Variants in GREM2 observed in about 807,000 individuals in gnomAD.
The protein encoded by GREM2 is gremlin-2.
GREM2 carries 11 observed loss-of-function variants against 14.2 expected under a neutral mutation model. That is an observed-to-expected ratio of 0.78 (90% CI 0.49 to 1.28). GREM2 has a LOEUF of 1.28. GREM2 is among the 50% of genes most tolerant of loss of function. GREM2 has a pLI of 0.00. For missense variants in GREM2, 210 were observed against 218.5 expected (o/e 0.96, Z 0.24); for synonymous variants, 98 against 97.6 (o/e 1.00, Z -0.02).
At chr1:240,518,695 A>T (rs188214114) in intron 1 of GREM2, among the ~76,000 whole-genome samples, 114 of 152,276 alleles carry the variant, frequency 7.5e-4, no homozygotes, top group African/African-American at 2.7e-3. Flanking sequence ...CATCCACCTC[A>T]CCAAAATAAA....
At chr1:240,548,692 G>GA (rs1678786410) in intron 1 of GREM2, among the ~76,000 whole-genome samples, 1 of 152,158 alleles carries the variant, frequency 6.6e-6, no homozygotes, top group African/African-American at 2.4e-5. Context: ...AAAGATTTGG[G>GA]AAAGGTGTTC....
chr1:240,512,570 C>T (rs572304137), intron 1 of GREM2, among the ~76,000 whole-genome samples: 1 of 44,140 alleles, frequency 2.3e-5, no homozygotes, highest in South Asian at 5.9e-4. Context: ...ATTTTAACCA[C>T]TGAATGCAGT....
chr1:240,557,489 G>T (rs1678971382), intron 1 of GREM2, among the ~76,000 whole-genome samples: 1 of 152,050 alleles, frequency 6.6e-6, no homozygotes, highest in African/African-American at 2.4e-5. Context: ...CCTCTCAACA[G>T]CCATCCTGAA....
rs200427812 is a variant in GREM2, at chr1:240,495,947, G to GT, written c.-1-2472dup. ...AAAGGTTTTTTTTGTTTTTGTTTTT[G>GT]TTTTTTTTTTGATGGAGTCTCACTC... On this transcript the variant is annotated intron_variant, in intron 1 of 1. Transcript: ENST00000318160. Among the ~76,000 whole-genome samples, 312 of 145,718 alleles carry GT rather than the reference G, an allele frequency of 2.1e-3. 2 individuals are homozygous for GT. The highest frequency in any genetic ancestry group is 1.0e-2 in the South Asian group (46 of 4,606).
intron 1 of GREM2, among the ~76,000 whole-genome samples, chr1:240,564,111 A>G (rs1679129718): frequency 6.6e-6 from 1 of 152,162 alleles, no homozygotes; most frequent in Non-Finnish European, 1.5e-5. Flanking sequence ...CTGGAGGCTG[A>G]GGCAGGAGGA....
At position 240,493,394 on chromosome 1, in the gene GREM2, C is replaced by A; in HGVS notation, c.82G>T (p.Gly28Cys). Residue 28 changes from glycine to cysteine, a missense_variant, in exon 2 of 2, where the codon GGC becomes TGC. Gly to Cys is a radical substitution (Grantham distance 159). Coordinates refer to ENST00000318160, the MANE Select transcript of GREM2 (RefSeq NM_022469.4). Reference protein sequence around the residue: ...VAEARKNRPAGAIPSPYKDGS... With the variant: ...VAEARKNRPACAIPSPYKDGS... ...TCCTTGTAAGGCGAGGGGATGGCGC[C>A]CGCCGGCCGGTTCTTCCGGGCTTCC... The A allele has an allele frequency of 6.2e-7, 1 of 1,613,582 alleles. No individual in the cohort carries two copies. Among genetic ancestry groups the A allele is most frequent in the Non-Finnish European group, 8.5e-7 (1 of 1,179,922 alleles).
chr1:240,550,357 C>G (rs553226958), intron 1 of GREM2: 8 of 152,266 alleles, frequency 5.3e-5, no homozygotes, highest in African/African-American at 1.9e-4. Context: ...AGCCATTTGC[C>G]GAAACCCCCA....
chr1:240,570,793 A>G (rs1679246166), intron 1 of GREM2, among the ~76,000 whole-genome samples: 1 of 152,208 alleles, frequency 6.6e-6, no homozygotes, highest in Non-Finnish European at 1.5e-5. Flanking sequence ...TCAGGTATTT[A>G]TAGGCCATGT....
At chr1:240,523,725 C>T (rs1015906847) in intron 1 of GREM2, among the ~76,000 whole-genome samples, 1 of 152,076 alleles carries the variant, frequency 6.6e-6, no homozygotes, top group Non-Finnish European at 1.5e-5. Flanking sequence ...AAAAATCTTA[C>T]ACATGGGTTA....
chr1:240,554,181 C>A (rs1054928534), intron 1 of GREM2, among the ~76,000 whole-genome samples: 2 of 152,100 alleles, frequency 1.3e-5, no homozygotes, highest in Non-Finnish European at 2.9e-5. Flanking sequence ...GAGGCCGAGG[C>A]AGGCAGATCA....
chr1:240,542,397 G>A lies in GREM2; in HGVS notation c.-1-48921C>T, dbSNP rs1678610957. ...AGGTGGGCAGATCACTTGCGGCCAG[G>A]AGTTCGAGACCAGCCTGGCCAACAT... On this transcript the variant is annotated intron_variant, in intron 1 of 1. Transcript: ENST00000318160. The surrounding 1 kb of genome is among the most constrained non-coding windows in gnomAD (Gnocchi z 4.1). Among the ~76,000 whole-genome samples, 1 of 150,738 alleles carries A rather than the reference G, an allele frequency of 6.6e-6. No individual in the cohort carries two copies. The highest frequency in any genetic ancestry group is 2.4e-5 in the African/African-American group (1 of 40,892).
At chr1:240,539,477 A>G (rs1169206931) in intron 1 of GREM2, among the ~76,000 whole-genome samples, 1 of 152,130 alleles carries the variant, frequency 6.6e-6, no homozygotes, top group Non-Finnish European at 1.5e-5. Context: ...CCAGAGCCCT[A>G]ATTTTTCTTC....
chr1:240,553,485 C>A (rs911061666), intron 1 of GREM2, among the ~76,000 whole-genome samples: 1 of 152,178 alleles, frequency 6.6e-6, no homozygotes, highest in Non-Finnish European at 1.5e-5. Context: ...CTCAACTCAG[C>A]ATGAAATATG....
Position 240,489,592 on chromosome 1 carries a change from A to T in GREM2, c.*3377T>A, listed in dbSNP as rs1048347908. On this transcript the variant is annotated 3_prime_UTR_variant, in exon 2 of 2. Coordinates refer to ENST00000318160, the MANE Select transcript of GREM2 (RefSeq NM_022469.4). ...GACATCTTAGGCTGCTCTGCCTATG[A>T]AGTAGGCATTCTTTATTCCTTTACT... 2.6e-5 allele frequency: 4 copies of T among 152,234 alleles called. No homozygotes were observed. Among genetic ancestry groups the T allele is most frequent in the Non-Finnish European group, 4.4e-5 (3 of 68,048 alleles). The allele number at this position is 152,234 out of a possible 1,614,324, so 9.4% of individuals were successfully genotyped here.
intron 1 of GREM2, among the ~76,000 whole-genome samples, chr1:240,502,268 T>C (rs1272746260): frequency 2.0e-5 from 3 of 152,238 alleles, no homozygotes; most frequent in Non-Finnish European, 4.4e-5. Flanking sequence ...TACTTCATTA[T>C]ACTTGCTGTA....
In GREM2 at chr1:240,489,921, T is replaced by A. The variant is rs987615560; in HGVS notation, c.*3048A>T. ...TATTTCCTAGGAAGTTGAGTTTAAT[T>A]CCTTTGAAGCCTACACAGTGGATCA... On this transcript the variant is annotated 3_prime_UTR_variant, in exon 2 of 2. Coordinates refer to ENST00000318160, the MANE Select transcript of GREM2 (RefSeq NM_022469.4). 1 of 152,224 alleles carries A rather than the reference T, an allele frequency of 6.6e-6. No homozygotes were observed. Among genetic ancestry groups the A allele is most frequent in the African/African-American group, 2.4e-5 (1 of 41,454 alleles). The allele number at this position is 152,224 out of a possible 1,614,324, so 9.4% of individuals were successfully genotyped here.
At chr1:240,601,102 A>C (rs1448457938) in intron 1 of GREM2, among the ~76,000 whole-genome samples, 1 of 152,220 alleles carries the variant, frequency 6.6e-6, no homozygotes, top group Non-Finnish European at 1.5e-5. Context: ...CATTCTGAAG[A>C]CCTTTGCTTC....
chr1:240,588,025 A>G (rs1202863635), intron 1 of GREM2, among the ~76,000 whole-genome samples: 2 of 152,162 alleles, frequency 1.3e-5, no homozygotes, highest in African/African-American at 4.8e-5. Context: ...CGGTGCCTGC[A>G]GGCACAGGGA....
At position 240,540,297 on chromosome 1, in the gene GREM2, T is replaced by C. The variant is rs561827480; in HGVS notation, c.-1-46821A>G. Reference sequence around the variant, plus strand: ...AATTTTCTTTGTCTAGACTAACTTATTGCATTGAAGAGCTCCTTCTCCAAA... The same window carrying C: ...AATTTTCTTTGTCTAGACTAACTTACTGCATTGAAGAGCTCCTTCTCCAAA... On this transcript the variant is annotated intron_variant, in intron 1 of 1. Coordinates refer to ENST00000318160, the MANE Select transcript of GREM2 (RefSeq NM_022469.4). The surrounding 1 kb of genome is among the most constrained non-coding windows in gnomAD (Gnocchi z 4.2). Among the ~76,000 whole-genome samples, 2 of 152,172 alleles carry C rather than the reference T, an allele frequency of 1.3e-5. No individual in the cohort carries two copies. The highest frequency in any genetic ancestry group is 2.9e-5 in the Non-Finnish European group (2 of 68,034).
Sources: allele counts gnomAD v4.1 joint callset (sites outside exome capture counted in the v4.1 genomes callset), GRCh38; gene constraint gnomAD v4.1.1; non-coding constraint Gnocchi (gnomAD v3.1); transcripts MANE v1.5; gene names NCBI Gene and HGNC (gene_info 2026-07-23, HGNC 2026-07-21).